TMF1: variants seen among roughly 807,000 people sequenced by gnomAD.
The protein encoded by TMF1 is TATA element modulatory factor.
A neutral mutation model predicts 126.5 loss-of-function variants in TMF1; 71 were observed. The observed-to-expected ratio is 0.56, with a 90% CI of 0.46 to 0.68. The LOEUF is 0.68. Among genes scored for constraint, TMF1 ranks in the 30% least tolerant of loss-of-function variants. The pLI, the probability that TMF1 is intolerant of heterozygous loss-of-function variation, is 0.00. For missense variants in TMF1, 1,259 were observed against 1,253.2 expected (o/e 1.00, Z -0.07); for synonymous variants, 461 against 430.5 (o/e 1.07, Z -0.88).
chr3:69,023,884 A>C lies in TMF1; in HGVS notation c.3138+171T>G, dbSNP rs79837835. 7.1e-3 allele frequency among the ~76,000 whole-genome samples: 1,079 copies of C among 152,270 alleles called. 18 individuals carry two copies. Among genetic ancestry groups the C allele is most frequent in the African/African-American group, 0.024 (1,015 of 41,582 alleles). ...CATGATTGTGAAAATTACTTTGAAT[A>C]TGTAAAGATACAAGCAAGATAAAAG... On this transcript the variant is annotated intron_variant, in intron 16 of 16. Coordinates refer to ENST00000398559, the MANE Select transcript of TMF1 (RefSeq NM_007114.3).
chr3:69,025,507 A>G, intron 15 of TMF1, 53 bp downstream of exon 15: 2 of 1,525,244 alleles, frequency 1.3e-6, no homozygotes, highest in African/African-American at 2.8e-5. Context: ...GGTGCTATTT[A>G]TTAGGCCTCA....
rs1462637245 is a variant in TMF1, at chr3:69,039,090, AATG to A, written c.1828-84_1828-82del. 16 of 1,092,774 alleles carry A rather than the reference AATG, an allele frequency of 1.5e-5. 1 individual carries two copies. Among genetic ancestry groups the A allele is most frequent in the Non-Finnish European group, 2.0e-5 (16 of 797,340 alleles). The allele number at this position is 1,092,774 out of a possible 1,614,324, so 67.7% of individuals were successfully genotyped here. ...TAACTGTATTCCAGGAATCTATAAT[AATG>A]GAGAAAAATATATATTTTTTTGAGA... On this transcript the variant is annotated intron_variant, in intron 6 of 16. Transcript: ENST00000398559.
chr3:69,034,588 C>T (rs1417625194), intron 9 of TMF1, among the ~76,000 whole-genome samples: 2 of 152,174 alleles, frequency 1.3e-5, no homozygotes, highest in Non-Finnish European at 2.9e-5. Context: ...TTAGTAGTTA[C>T]CTCCTCATCC....
At position 69,035,079 on chromosome 3, in the gene TMF1, G is replaced by T. The variant is rs374741223; in HGVS notation, c.2188C>A (p.Gln730Lys). 41 of 1,614,054 alleles carry T rather than the reference G, an allele frequency of 2.5e-5. No individual in the cohort carries two copies. Among genetic ancestry groups the T allele is most frequent in the Non-Finnish European group, 3.1e-5 (37 of 1,180,024 alleles). ...TAATCCTCCTTTCTGGCAGCCGCTTGTTCTGTACGCTGCAATGCAAGCCTA... is the reference window on the plus strand; with the variant it reads ...TAATCCTCCTTTCTGGCAGCCGCTTTTTCTGTACGCTGCAATGCAAGCCTA... ...DLRLALQRTE[Q>K]AAARKEDYLR... Residue 730 changes from glutamine (Q) to lysine (K), a missense_variant, in exon 9 of 17, where the codon CAA (glutamine) becomes AAA (lysine). By Grantham distance (53) the Gln-to-Lys change is moderately conservative. Coordinates refer to ENST00000398559, the MANE Select transcript of TMF1 (RefSeq NM_007114.3).
intron 13 of TMF1, among the ~76,000 whole-genome samples, chr3:69,027,156 C>T (rs552371315): frequency 2.6e-5 from 4 of 152,170 alleles, no homozygotes; most frequent in South Asian, 2.1e-4. Context: ...CCACCATGCC[C>T]GGCTAATTTT....
chr3:69,023,740 A>C (rs2091751815), intron 16 of TMF1, among the ~76,000 whole-genome samples: 2 of 152,144 alleles, frequency 1.3e-5, no homozygotes, highest in Non-Finnish European at 2.9e-5. Context: ...CAGATGAGAC[A>C]ATTGTGATGA....
intron 9 of TMF1, 125 bp from the exon 10 acceptor site, chr3:69,033,829 AATTATT>A (rs1230737366): frequency 6.6e-6 from 6 of 904,076 alleles, no homozygotes; most frequent in African/African-American, 3.4e-5. Flanking sequence ...TTTGCTTTTT[AATTATT>A]ATTATTAATT....
In TMF1 at chr3:69,022,530, CT is replaced by C. The variant is rs1437263567; in HGVS notation, c.*646del. Reference sequence around the variant, plus strand: ...CAAAAGGTACCACATTTTATACAGACTTAATTGTGAAAGCTGGGTGAAATAA... The same window carrying C: ...CAAAAGGTACCACATTTTATACAGACTAATTGTGAAAGCTGGGTGAAATAA... On this transcript the variant is annotated 3_prime_UTR_variant, in exon 17 of 17. Transcript: ENST00000398559. 1 of 152,482 alleles carries C rather than the reference CT, an allele frequency of 6.6e-6. No homozygotes were observed. Among genetic ancestry groups the C allele is most frequent in the Non-Finnish European group, 1.5e-5 (1 of 67,966 alleles). 9.4% of individuals were successfully genotyped at this position (152,482 alleles called of 1,614,324 possible). A position where few individuals can be genotyped will look rare whatever the true frequency, so the allele number is the denominator to read the frequency against.
chr3:69,050,123 G>C (rs976879724), intron 1 of TMF1, among the ~76,000 whole-genome samples: 2 of 151,918 alleles, frequency 1.3e-5, no homozygotes, highest in African/African-American at 2.4e-5. Flanking sequence ...AGGCAGGTGT[G>C]GTGACGCAAA....
Position 69,021,536 on chromosome 3 carries a change from A to G in TMF1, c.*1641T>C, listed in dbSNP as rs1463535083. ...AACACTACCAATCAGAGATCCAATGACAGAAACACTGTCTGGAATACAAAA... is the reference window on the plus strand; with the variant it reads ...AACACTACCAATCAGAGATCCAATGGCAGAAACACTGTCTGGAATACAAAA... On this transcript the variant is annotated 3_prime_UTR_variant, in exon 17 of 17. Coordinates refer to ENST00000398559, the MANE Select transcript of TMF1 (RefSeq NM_007114.3). 6.6e-6 allele frequency: 1 copy of G among 152,518 alleles called. No homozygotes were observed. Among genetic ancestry groups the G allele is most frequent in the African/African-American group, 2.4e-5 (1 of 41,448 alleles). 9.4% of individuals were successfully genotyped at this position (152,518 alleles called of 1,614,324 possible).
intron 15 of TMF1, 59 bp downstream of exon 15, chr3:69,025,500 GC>G (rs2091762878): frequency 6.8e-7 from 1 of 1,474,700 alleles, no homozygotes; most frequent in African/African-American, 1.4e-5. Context: ...AATGAAGGGT[GC>G]TATTTATTAG....
Position 69,030,001 on chromosome 3 carries a change from G to A in TMF1, c.2408C>T (p.Ser803Phe). 6.2e-7 allele frequency: 1 copy of A among 1,612,036 alleles called. No individual in the cohort carries two copies. Among genetic ancestry groups the A allele is most frequent in the Non-Finnish European group, 8.5e-7 (1 of 1,179,128 alleles). The change falls in exon 11 of 17, where the codon TCC (serine) becomes TTC (phenylalanine). Residue 803 changes from serine to phenylalanine, a missense_variant. Transcript: ENST00000398559. ...AACTGCTGCTGCCAGCAAGGTCTGG[G>A]ATTCACCTGATTACAGGACAGAAAA... ...EKNLSDRLGE[S>F]QTLLAAAVER... is the part of the protein sequence containing the mutation.
rs1255880075 is a variant in TMF1 at position 69,020,025 on chromosome 3, A to G, written c.*3152T>C. 6.6e-6 allele frequency: 1 copy of G among 152,148 alleles called. No individual in the cohort carries two copies. The highest frequency in any genetic ancestry group is 2.4e-5 in the African/African-American group (1 of 41,464). The allele number at this position is 152,148 out of a possible 1,614,324, so 9.4% of individuals were successfully genotyped here. A position where few individuals can be genotyped will look rare whatever the true frequency, so the allele number is the denominator to read the frequency against. ...TTTAATGAAAATGAAAAATTTTGATACACTAGAACATAAATGTATACGTAC... is the reference window on the plus strand; with the variant it reads ...TTTAATGAAAATGAAAAATTTTGATGCACTAGAACATAAATGTATACGTAC... On this transcript the variant is annotated 3_prime_UTR_variant, in exon 17 of 17. Transcript: ENST00000398559.
chr3:69,047,349 T>C lies in TMF1; in HGVS notation c.1347+9A>G. 4 of 1,561,268 alleles carry C rather than the reference T, an allele frequency of 2.6e-6. No individual in the cohort carries two copies. The highest frequency in any genetic ancestry group is 2.3e-5 in the East Asian group (1 of 44,342). On this transcript the variant is annotated intron_variant, in intron 2 of 16. Coordinates refer to ENST00000398559, the MANE Select transcript of TMF1 (RefSeq NM_007114.3). ...ACATCTAAAAATCCCTTCCACTTAC[T>C]AGAGTTACCTTGCAAACATCTTCCT...
chr3:69,047,621 A>G lies in TMF1; in HGVS notation c.1084T>C (p.Ser362Pro). 6.2e-7 allele frequency: 1 copy of G among 1,614,126 alleles called. No homozygotes were observed. Among genetic ancestry groups the G allele is most frequent in the Non-Finnish European group, 8.5e-7 (1 of 1,180,030 alleles). The change falls in exon 2 of 17, where the codon TCT (serine) becomes CCT (proline). Residue 362 changes from serine (S) to proline (P), a missense_variant. Ser to Pro is a moderately conservative substitution (Grantham distance 74, BLOSUM62 -1). Coordinates refer to ENST00000398559, the MANE Select transcript of TMF1 (RefSeq NM_007114.3). ...ACTGTTTTAGACTTTGGAGTTGAAG[A>G]ATTAACTATAATAGGCACTAAAGCA... is the stretch of plus-strand genomic sequence containing the variant. Reference protein sequence around the residue: ...GYALVPIIVNSSTPKSKTVES... With the variant: ...GYALVPIIVNPSTPKSKTVES...
intron 10 of TMF1, among the ~76,000 whole-genome samples, chr3:69,031,768 C>A (rs923021793): frequency 6.6e-6 from 1 of 152,178 alleles, no homozygotes; most frequent in South Asian, 2.1e-4. Context: ...CACAGCATAG[C>A]TATGGTCTTT....
At chr3:69,024,226 T>C (rs368969818) in intron 15 of TMF1, 46 bp from the exon 16 acceptor site, 5 of 1,502,716 alleles carry the variant, frequency 3.3e-6, no homozygotes. Context: ...ACATATCTTT[T>C]TTAATACTCC....
rs1396696469 is a variant in TMF1, at chr3:69,047,747, A to G, written c.958T>C (p.Ser320Pro). The G allele has an allele frequency of 3.1e-6, 5 of 1,614,154 alleles. No individual in the cohort carries two copies. Among genetic ancestry groups the G allele is most frequent in the Non-Finnish European group, 4.2e-6 (5 of 1,180,028 alleles). Residue 320 changes from serine (S) to proline (P), a missense_variant, in exon 2 of 17, where the codon TCT (serine) becomes CCT (proline). Transcript: ENST00000398559. ...GAGTCTATTCTTTCAAAAGCATCAGATGAACAGCAACTCTCAGTGAGTTTT... is the reference window on the plus strand; with the variant it reads ...GAGTCTATTCTTTCAAAAGCATCAGGTGAACAGCAACTCTCAGTGAGTTTT... ...FQKLTESCCS[S>P]DAFERIDSFS...
chr3:69,030,012 TTAC>T lies in TMF1; in HGVS notation c.2402-8_2402-6del, dbSNP rs769548331. ...CCAGCAAGGTCTGGGATTCACCTGA[TTAC>T]AGGACAGAAAAAAAAATCACATACA... On this transcript the variant is annotated splice_region_variant and splice_polypyrimidine_tract_variant and intron_variant, in intron 10 of 16. Transcript: ENST00000398559. The T allele has an allele frequency of 1.6e-5, 26 of 1,600,082 alleles. No homozygotes were observed. The East Asian group carries it at 5.8e-4, about 36-fold the overall frequency.
Sources: allele counts gnomAD v4.1 joint callset (sites outside exome capture counted in the v4.1 genomes callset), GRCh38; gene constraint gnomAD v4.1.1; transcripts MANE v1.5; gene names NCBI Gene and HGNC (gene_info 2026-07-23, HGNC 2026-07-21).